Variants in HMCN1 observed in about 807,000 individuals in gnomAD.
HMCN1 encodes hemicentin-1.
In HMCN1, 321 loss-of-function variants were observed where a neutral mutation model predicts 625.9. The observed-to-expected ratio is 0.51, with a 90% CI of 0.47 to 0.56. The LOEUF is 0.56. Among genes scored for constraint, HMCN1 ranks in the 20% least tolerant of loss-of-function variants. The pLI, the probability that HMCN1 is intolerant of heterozygous loss-of-function variation, is 0.00. For missense variants in HMCN1, 6,588 were observed against 6,887.3 expected (o/e 0.96, Z 1.54); for synonymous variants, 2,425 against 2,417.6 (o/e 1.00, Z -0.09).
chr1:186,020,994 T>G (rs530557044), intron 35 of HMCN1, among the ~76,000 whole-genome samples: 1 of 152,080 alleles, frequency 6.6e-6, no homozygotes, highest in Admixed American at 6.6e-5. Flanking sequence ...GCATTTTAAG[T>G]AGTCATCCAG....
At position 185,948,981 on chromosome 1, in the gene HMCN1, G is replaced by A. The variant is rs1333507238; in HGVS notation, c.1829-13537G>A. Among the ~76,000 whole-genome samples, 6 of 151,740 alleles carry A rather than the reference G, an allele frequency of 4.0e-5. 1 individual carries two copies. The highest frequency in any genetic ancestry group is 1.5e-4 in the African/African-American group (6 of 41,104). ...CGTATAGAATGATTGGTGATGGCCT[G>A]GATACGGTTTTGGATGAATTGAGAA... On this transcript the variant is annotated intron_variant, in intron 11 of 106. Transcript: ENST00000271588.
At position 185,734,728 on chromosome 1, in the gene HMCN1, T is replaced by A; in HGVS notation, c.-52T>A. The stretch of plus-strand genomic sequence containing the variant: ...CCCTCTGCCTGTTGTTGAGGAGGAC[T>A]GAGCACAGTGCTTAGGCGCTGAGGG... On this transcript the variant is annotated 5_prime_UTR_variant, in exon 1 of 107. Transcript: ENST00000271588. The A allele has an allele frequency of 6.3e-7, 1 of 1,585,510 alleles. No homozygotes were observed. Among genetic ancestry groups the A allele is most frequent in the South Asian group, 1.1e-5 (1 of 90,386 alleles).
intron 2 of HMCN1, among the ~76,000 whole-genome samples, chr1:185,858,586 ATTTTTTTTTTTTTTTTTTTTTTTTT>A (rs71101980): frequency 1.9e-3 from 67 of 34,748 alleles, no homozygotes; most frequent in East Asian, 5.3e-3. Flanking sequence ...CACCCAGCTA[ATTTTTTTTTTTTTTTTTTTTTTTTT>A]TTTTTTTTTT....
At chr1:185,786,332 CCTT>C (rs1164446295) in intron 1 of HMCN1, among the ~76,000 whole-genome samples, 3 of 152,148 alleles carry the variant, frequency 2.0e-5, no homozygotes, top group African/African-American at 7.2e-5. Context: ...GCATATTTAA[CCTT>C]CTTGTTTTCC....
intron 1 of HMCN1, among the ~76,000 whole-genome samples, chr1:185,802,534 G>C (rs943800845): frequency 1.3e-5 from 2 of 152,070 alleles, no homozygotes; most frequent in African/African-American, 4.8e-5. Flanking sequence ...GAAAGAGCAC[G>C]CAACTGAAAG....
In HMCN1 at chr1:186,128,077, G is replaced by A. The variant is rs1164836668; in HGVS notation, c.12691-1G>A. The stretch of plus-strand genomic sequence containing the variant: ...TTAAATGTTACTTTTTTTAATTTTA[G>A]CTGGAGGATTCTGGCTTCTATACCT... On this transcript the variant is annotated splice_acceptor_variant, in intron 82 of 106. Transcript: ENST00000271588. LOFTEE classifies it high-confidence loss of function. 1 of 1,612,684 alleles carries A rather than the reference G, an allele frequency of 6.2e-7. No homozygotes were observed. The highest frequency in any genetic ancestry group is 8.5e-7 in the Non-Finnish European group (1 of 1,179,100).
intron 1 of HMCN1, among the ~76,000 whole-genome samples, chr1:185,758,631 G>A (rs1009778378): frequency 1.3e-5 from 2 of 151,312 alleles, no homozygotes; most frequent in Non-Finnish European, 2.9e-5. Flanking sequence ...GGGAGACCCT[G>A]TTACAAACAA....
In HMCN1 at chr1:186,078,121, C is replaced by T; in HGVS notation, c.8500C>T (p.Gln2834Ter). 1 of 1,612,998 alleles carries T rather than the reference C, an allele frequency of 6.2e-7. No homozygotes were observed. Among genetic ancestry groups the T allele is most frequent in the Non-Finnish European group, 8.5e-7 (1 of 1,179,226 alleles). Reference protein sequence around the residue: ...VLILPGGRVLQIPRAKVEDAG... With the variant: ...VLILPGGRVL The stretch of plus-strand genomic sequence containing the variant: ...ATTATTTTCAGGAGGGCGAGTGTTG[C>T]AGATTCCTCGGGCTAAAGTAGAAGA... Residue 2834 changes from glutamine to a stop codon, truncating the protein, a stop_gained, in exon 55 of 107, where the codon CAG (glutamine) becomes TAG (stop). Coordinates refer to ENST00000271588, the MANE Select transcript of HMCN1 (RefSeq NM_031935.3). LOFTEE classifies it high-confidence loss of function.
intron 68 of HMCN1, 118 bp downstream of exon 68, chr1:186,095,639 A>C: frequency 1.8e-6 from 2 of 1,089,712 alleles, no homozygotes; most frequent in Non-Finnish European, 2.6e-6. Context: ...AAAAATTTTT[A>C]TTGCATTTTA....
At chr1:186,042,331 T>A (rs1033406648) in intron 40 of HMCN1, among the ~76,000 whole-genome samples, 34 of 152,176 alleles carry the variant, frequency 2.2e-4, no homozygotes, top group African/African-American at 7.7e-4. Flanking sequence ...AAATATCCTT[T>A]GAGACTGATT....
intron 4 of HMCN1, among the ~76,000 whole-genome samples, chr1:185,894,003 C>T (rs993194606): frequency 5.3e-5 from 8 of 151,772 alleles, no homozygotes; most frequent in African/African-American, 1.2e-4. Context: ...GGCGTAGTGG[C>T]GGGCCCCTGT....
rs1652722492 is a variant in HMCN1 at position 186,178,290 on chromosome 1, G to A, written c.15944-126G>A. On this transcript the variant is annotated intron_variant, in intron 103 of 106. Transcript: ENST00000271588. ...TCACAACAGTTGAGGAGAAATTACT[G>A]TATGCCTGGCTTTGGAGGGTAACAA... 9.7e-6 allele frequency: 7 copies of A among 718,216 alleles called. No individual in the cohort carries two copies. The Admixed American group carries it at 1.6e-4, about 16-fold the overall frequency. The allele number at this position is 718,216 out of a possible 1,614,324, so 44.5% of individuals were successfully genotyped here.
chr1:185,790,475 G>A (rs1657912303), intron 1 of HMCN1, among the ~76,000 whole-genome samples: 1 of 152,136 alleles, frequency 6.6e-6, no homozygotes, highest in African/African-American at 2.4e-5. Context: ...AGGGCTTTGA[G>A]GTCAGACAGA....
At chr1:186,172,893 C>T (rs961825846) in intron 102 of HMCN1, among the ~76,000 whole-genome samples, 1 of 151,886 alleles carries the variant, frequency 6.6e-6, no homozygotes, top group African/African-American at 2.4e-5. Flanking sequence ...ACAGGAATAC[C>T]CAAGAGAGTG....
chr1:185,973,123 A>G (rs1456461447), intron 15 of HMCN1, among the ~76,000 whole-genome samples: 1 of 152,112 alleles, frequency 6.6e-6, no homozygotes, highest in East Asian at 1.9e-4. Context: ...TAATGATCTA[A>G]GTGGTACCTA....
chr1:185,808,948 A>G (rs1487310715), intron 1 of HMCN1, among the ~76,000 whole-genome samples: 1 of 152,186 alleles, frequency 6.6e-6, no homozygotes, highest in African/African-American at 2.4e-5. Flanking sequence ...CTATTAATTT[A>G]TACCAGACCA....
intron 11 of HMCN1, among the ~76,000 whole-genome samples, chr1:185,935,594 T>C (rs1355956286): frequency 1.3e-5 from 2 of 151,232 alleles, no homozygotes; most frequent in African/African-American, 4.9e-5. Context: ...AAAACATAAA[T>C]ATAAAAAAAT....
chr1:186,105,743 A>G (rs539741447), intron 69 of HMCN1, among the ~76,000 whole-genome samples: 1 of 152,290 alleles, frequency 6.6e-6, no homozygotes, highest in East Asian at 1.9e-4. Flanking sequence ...GAAGGGCAGA[A>G]GTTGTCAGGA....
At chr1:186,142,536 A>G (rs1305880022) in intron 89 of HMCN1, among the ~76,000 whole-genome samples, 1 of 152,220 alleles carries the variant, frequency 6.6e-6, no homozygotes, top group Non-Finnish European at 1.5e-5. Context: ...GTGGGATTGC[A>G]GGGTCAAATG....
Sources: allele counts gnomAD v4.1 joint callset (sites outside exome capture counted in the v4.1 genomes callset), GRCh38; gene constraint gnomAD v4.1.1; transcripts MANE v1.5; gene names NCBI Gene and HGNC (gene_info 2026-07-23, HGNC 2026-07-21).